RFK: variants seen among roughly 807,000 people sequenced by gnomAD.
RFK encodes riboflavin kinase, also known as 0610038L10Rik.
A neutral mutation model predicts 17.6 loss-of-function variants in RFK; 4 were observed. The ratio of observed to expected loss-of-function variants is 0.23; its 90% confidence interval spans 0.11 to 0.52. The LOEUF (loss-of-function observed/expected upper bound fraction) is 0.52, where lower values mean the gene tolerates loss of function less well. Among genes scored for constraint, RFK ranks in the 20% least tolerant of loss-of-function variants. The pLI is 0.96. For missense variants in RFK, 189 were observed against 187.7 expected, an observed-to-expected ratio of 1.01 and a Z score of -0.04; for synonymous variants, 59 against 63.8, an observed-to-expected ratio of 0.92 and a Z score of 0.36.
intron 2 of RFK, among the ~76,000 whole-genome samples, chr9:76,390,225 A>C (rs1239732331): frequency 6.6e-6 from 1 of 152,240 alleles, no homozygotes; most frequent in African/African-American, 2.4e-5. Flanking sequence ...TAAAAAAGTC[A>C]ATTTGAAGAT....
chr9:76,387,228 G>A lies in RFK; in HGVS notation c.*171C>T. 2 of 565,860 alleles carry A rather than the reference G, an allele frequency of 3.5e-6. No individual in the cohort carries two copies. The highest frequency in any genetic ancestry group is 6.2e-6 in the Non-Finnish European group (2 of 323,620). 35.1% of individuals were successfully genotyped at this position (565,860 alleles called of 1,614,324 possible). A position where few individuals can be genotyped will look rare whatever the true frequency, so the allele number is the denominator to read the frequency against. ...AATCTTTTTAGTGCTATGATATGAT[G>A]GGCTTAATTTAATAGTTGAAGCATG... On this transcript the variant is annotated 3_prime_UTR_variant, in exon 4 of 4. Transcript: ENST00000376736.
chr9:76,393,899 AG>A, intron 1 of RFK, 190 bp downstream of exon 1: 1 of 571,628 alleles, frequency 1.7e-6, no homozygotes, highest in South Asian at 2.3e-5. Context: ...GCTCGGAGCC[AG>A]AAGCAGGGAC....
rs766170504 is a variant in RFK, at chr9:76,392,421, A to G, written c.231T>C (p.Ser77=). The part of the protein sequence containing the change: ...WNPYYKNTKK[S]METHIMHTFK... ...CAGAGCAAAATATAATGCTTACCAT[A>G]GACTTCTTCGTATTCTTGTAATATG... The change falls in exon 2 of 4, where the codon TCT becomes TCC. Residue 77 remains serine (S), a synonymous_variant. Coordinates refer to ENST00000376736, the MANE Select transcript of RFK (RefSeq NM_018339.6). 1.2e-6 allele frequency: 2 copies of G among 1,614,092 alleles called. No individual in the cohort carries two copies. The highest frequency in any genetic ancestry group is 1.7e-5 in the Admixed American group (1 of 60,006).
chr9:76,388,731 A>C, intron 2 of RFK, 75 bp from the exon 3 acceptor site: 1 of 801,138 alleles, frequency 1.2e-6, no homozygotes, highest in Non-Finnish European at 2.1e-6. Flanking sequence ...CTTCATGTTT[A>C]TGGTGAGTTA....
intron 1 of RFK, 78 bp downstream of exon 1, chr9:76,394,012 G>C: frequency 7.1e-7 from 1 of 1,404,762 alleles, no homozygotes; most frequent in Middle Eastern, 2.4e-4. Flanking sequence ...CCACGCCCCG[G>C]TCCCAAGTCC....
intron 3 of RFK, 108 bp from the exon 4 acceptor site, chr9:76,387,637 C>T (rs1822756282): frequency 9.8e-7 from 1 of 1,022,398 alleles, no homozygotes; most frequent in Non-Finnish European, 1.4e-6. Context: ...AGTATCTCTG[C>T]ACAGGGTAGA....
At chr9:76,388,805 T>C (rs138537284) in intron 2 of RFK, 149 bp from the exon 3 acceptor site, 219 of 544,360 alleles carry the variant, frequency 4.0e-4, no homozygotes, top group African/African-American at 3.7e-3. Context: ...CTAAGTGCAG[T>C]TTTTCCTAAA....
chr9:76,391,523 G>A lies in RFK; in HGVS notation c.234+895C>T, dbSNP rs114689362. On this transcript the variant is annotated intron_variant, in intron 2 of 3. Coordinates refer to ENST00000376736, the MANE Select transcript of RFK (RefSeq NM_018339.6). Reference sequence around the variant, plus strand: ...TTTTATCTTAAGAGGGTGACCAAGCGCAATTGATGCATGAAGTAAATGGTG... The same window carrying A: ...TTTTATCTTAAGAGGGTGACCAAGCACAATTGATGCATGAAGTAAATGGTG... 3.3e-3 allele frequency among the ~76,000 whole-genome samples: 510 copies of A among 152,278 alleles called. 1 individual carries two copies. Among genetic ancestry groups the A allele is most frequent in the African/African-American group, 0.012 (487 of 41,558 alleles).
At chr9:76,389,884 G>A (rs887594866) in intron 2 of RFK, among the ~76,000 whole-genome samples, 1 of 152,186 alleles carries the variant, frequency 6.6e-6, no homozygotes, top group Admixed American at 6.6e-5. Context: ...ATTCAATGCT[G>A]CCCCAATCAA....
At position 76,394,142 on chromosome 9, in the gene RFK, A is replaced by ACCCCGGCAGAAGTAAGGC; in HGVS notation, c.12_29dup (p.Pro5_Gly10dup). 2 of 1,609,320 alleles carry ACCCCGGCAGAAGTAAGGC rather than the reference A, an allele frequency of 1.2e-6. No individual in the cohort carries two copies. The highest frequency in any genetic ancestry group is 1.7e-6 in the Non-Finnish European group (2 of 1,178,794). Reference sequence around the variant, plus strand: ...CGCGGCCGAAGCCCCGCACCACTTGACCCCGGCAGAAGTAAGGCAGGTGCC... The same window carrying ACCCCGGCAGAAGTAAGGC: ...CGCGGCCGAAGCCCCGCACCACTTGACCCCGGCAGAAGTAAGGCCCCCGGCAGAAGTAAGGCAGGTGCC... On this transcript the variant is annotated inframe_insertion, in exon 1 of 4. Transcript: ENST00000376736.
chr9:76,389,220 T>A (rs570122824), intron 2 of RFK, among the ~76,000 whole-genome samples: 3 of 152,130 alleles, frequency 2.0e-5, no homozygotes, highest in Non-Finnish European at 4.4e-5. Flanking sequence ...CAGAATCTAG[T>A]TCAGCTAAAT....
intron 3 of RFK, chr9:76,388,192 T>C (rs1252945919): frequency 2.1e-6 from 1 of 466,680 alleles, no homozygotes; most frequent in Non-Finnish European, 4.2e-6. Flanking sequence ...CCTGGTAACA[T>C]GTTTCAAATG....
intron 2 of RFK, among the ~76,000 whole-genome samples, chr9:76,391,478 A>T (rs1403739926): frequency 6.6e-6 from 1 of 152,192 alleles, no homozygotes; most frequent in Non-Finnish European, 1.5e-5. Context: ...TCCTCCATCC[A>T]CCATCCATGT....
Position 76,394,167 on chromosome 9 carries a change from C to T in RFK, c.5G>A (p.Arg2Lys), listed in dbSNP as rs1419655788. 4 of 1,603,906 alleles carry T rather than the reference C, an allele frequency of 2.5e-6. No individual in the cohort carries two copies. The highest frequency in any genetic ancestry group is 3.4e-6 in the Non-Finnish European group (4 of 1,176,430). MRHLPYFCRGQV... is the reference protein window; with the variant it reads MKHLPYFCRGQV... ...ACCCCGGCAGAAGTAAGGCAGGTGC[C>T]TCATAATGCAGTCCGCTCGGGGAAT... The change falls in exon 1 of 4, where the codon AGG (arginine) becomes AAG (lysine). Residue 2 changes from arginine to lysine, a missense_variant. Around this residue, in one of 3 missense-constraint regions of RFK, gnomAD observed 90 missense variants for 75.4 expected, o/e 1.19. Coordinates refer to ENST00000376736, the MANE Select transcript of RFK (RefSeq NM_018339.6).
Position 76,394,254 on chromosome 9 carries a change from AC to A in RFK, c.-84del. The A allele has an allele frequency of 7.1e-7, 1 of 1,403,704 alleles. No homozygotes were observed. 87.0% of individuals were successfully genotyped at this position (1,403,704 alleles called of 1,614,324 possible). A position where few individuals can be genotyped will look rare whatever the true frequency, so the allele number is the denominator to read the frequency against. On this transcript the variant is annotated 5_prime_UTR_variant, in exon 1 of 4. Coordinates refer to ENST00000376736, the MANE Select transcript of RFK (RefSeq NM_018339.6). The stretch of plus-strand genomic sequence containing the variant: ...CGTCGACGCGGCGCCCAGACCCCGG[AC>A]CAGCCGGGGGACAGGAGCGTGAGCT...
At chr9:76,390,098 T>A (rs1587391372) in intron 2 of RFK, among the ~76,000 whole-genome samples, 1 of 152,206 alleles carries the variant, frequency 6.6e-6, no homozygotes, top group Admixed American at 6.5e-5. Context: ...TTGATTTATG[T>A]CCCAGGTGAC....
chr9:76,394,024 C>A, intron 1 of RFK, 66 bp downstream of exon 1: 1 of 1,467,654 alleles, frequency 6.8e-7, no homozygotes. Context: ...CCCAAGTCCC[C>A]GGCTGCCGTC....
rs1260439895 is a variant in RFK, at chr9:76,392,519, C to T, written c.133G>A (p.Gly45Ser). 1.2e-6 allele frequency: 2 copies of T among 1,614,040 alleles called. No individual in the cohort carries two copies. The highest frequency in any genetic ancestry group is 1.7e-6 in the Non-Finnish European group (2 of 1,180,000). ...VDNLPADISTGIYYGWASVGS... is the reference protein window; with the variant it reads ...VDNLPADISTSIYYGWASVGS... ...ACACTGGCCCAACCATAGTAAATAC[C>T]AGTGGATATATCAGCTGGAAGATTA... is the stretch of plus-strand genomic sequence containing the variant. Residue 45 changes from glycine to serine, a missense_variant, in exon 2 of 4, where the codon GGT becomes AGT. Around this residue, in one of 3 missense-constraint regions of RFK, gnomAD observed 90 missense variants for 75.4 expected, o/e 1.19. Transcript: ENST00000376736.
chr9:76,388,138 A>G (rs1379770380), intron 3 of RFK: 2 of 386,634 alleles, frequency 5.2e-6, no homozygotes, highest in African/African-American at 4.2e-5. Context: ...TTGTAAAAGA[A>G]ACTTTATAAC....
Sources: gnomAD v4.1 joint callset for allele counts (sites outside exome capture counted in the v4.1 genomes callset) on GRCh38, gnomAD v4.1.1 for gene constraint, gnomAD v4.1.1 regional missense constraint, MANE v1.5 for transcripts, NCBI Gene and HGNC (gene_info 2026-07-23, HGNC 2026-07-21) for gene names.